The following PARP16 variants were observed in gnomAD, a reference collection of about 807,000 sequenced individuals.
PARP16 encodes protein mono-ADP-ribosyltransferase PARP16.
In PARP16, 31 loss-of-function variants were observed where a neutral mutation model predicts 35.0. The ratio of observed to expected loss-of-function variants is 0.88; its 90% CI spans 0.66 to 1.19. The LOEUF (loss-of-function observed/expected upper bound fraction) is 1.19. Among genes scored for constraint, PARP16 ranks in the 50% most tolerant of loss-of-function variants. The probability of loss-of-function intolerance (pLI) is 0.00; values close to 1 mark genes in which losing one functional copy is unlikely to be tolerated. For missense variants in PARP16, 424 were observed against 411.2 expected (o/e 1.03, Z -0.27); for synonymous variants, 162 against 169.5 (o/e 0.96, Z 0.34).
chr15:65,244,508 ATTCACTGTCAT>A lies in PARP16; in HGVS notation c.*97+3598_*97+3608del, dbSNP rs1478293170. ...AAAACCATCAGATCTCGTGAGACTT[ATTCACTGTCAT>A]GAGAGCAGCACGGGAAAGACCCGCC... On this transcript the variant is annotated intron_variant and NMD_transcript_variant, in intron 3 of 3. Transcript: ENST00000559805. Among the ~76,000 whole-genome samples the A allele has an allele frequency of 1.2e-3, 189 of 152,304 alleles. 1 individual carries two copies. Among genetic ancestry groups the A allele is most frequent in the African/African-American group, 4.4e-3 (181 of 41,566 alleles).
chr15:65,233,437 A>G (rs2088807128), downstream of PARP16, among the ~76,000 whole-genome samples: 1 of 150,802 alleles, frequency 6.6e-6, no homozygotes, highest in Admixed American at 6.6e-5. Flanking sequence ...AACAAAAACA[A>G]AAAATAACTT....
At chr15:65,256,011 A>G (rs1238331358), downstream of PARP16, among the ~76,000 whole-genome samples, 1 of 152,142 alleles carries the variant, frequency 6.6e-6, no homozygotes, top group Non-Finnish European at 1.5e-5. Flanking sequence ...GTTCCTGCTG[A>G]GTTTGCCAAT....
chr15:65,283,977 C>T (rs1217658422), intron 1 of PARP16, among the ~76,000 whole-genome samples: 1 of 152,198 alleles, frequency 6.6e-6, no homozygotes, highest in African/African-American at 2.4e-5. Flanking sequence ...ACTGTGGTCA[C>T]CACTTGAGAT....
At chr15:65,264,462 T>C (rs1186272553) in intron 3 of PARP16, among the ~76,000 whole-genome samples, 2 of 152,186 alleles carry the variant, frequency 1.3e-5, no homozygotes, top group Non-Finnish European at 2.9e-5. Context: ...TGCTCTGGAA[T>C]TGAGAAATGT....
intron 2 of PARP16, among the ~76,000 whole-genome samples, chr15:65,251,990 T>G: frequency 6.6e-6 from 1 of 152,134 alleles, no homozygotes; most frequent in East Asian, 1.9e-4. Flanking sequence ...GGTCTCGATC[T>G]CCTGACCTCG....
downstream of PARP16, among the ~76,000 whole-genome samples, chr15:65,255,013 T>C (rs1282136150): frequency 6.6e-6 from 1 of 152,144 alleles, no homozygotes; most frequent in African/African-American, 2.4e-5. Context: ...CCCCTTACAA[T>C]GGCATTAGTG....
rs779487654 is a variant in PARP16 at position 65,260,907 on chromosome 15, A to T, written c.811T>A (p.Tyr271Asn). 20 of 1,613,800 alleles carry T rather than the reference A, an allele frequency of 1.2e-5. No individual in the cohort carries two copies. The highest frequency in any genetic ancestry group is 1.6e-5 in the Non-Finnish European group (19 of 1,179,872). The change falls in exon 5 of 6, where the codon TAT (tyrosine) becomes AAT (asparagine). Residue 271 changes from tyrosine to asparagine, a missense_variant. Tyr to Asn is a moderately radical substitution (Grantham distance 143). Transcript: ENST00000649807. Reference sequence around the variant, plus strand: ...TACCTCTTGGGTGGCTTCTGTGAATACACCAGGAGGTACTTCACTCGCAGC... The same window carrying T: ...TACCTCTTGGGTGGCTTCTGTGAATTCACCAGGAGGTACTTCACTCGCAGC... ...QLLRVKYLLV[Y>N]SQKPPKRASS...
chr15:65,258,109 A>C lies in PARP16; in HGVS notation c.*1298T>G, dbSNP rs1358181802. The stretch of plus-strand genomic sequence containing the variant: ...CAAAGGCAACTTAAATCATTAAGAA[A>C]ATATCTTTATTTATTCTGAAATGTT... On this transcript the variant is annotated 3_prime_UTR_variant, in exon 6 of 6. Transcript: ENST00000649807. The C allele has an allele frequency of 2.0e-5, 3 of 152,252 alleles. No homozygotes were observed. Among genetic ancestry groups the C allele is most frequent in the Non-Finnish European group, 4.4e-5 (3 of 68,042 alleles). The allele number at this position is 152,252 out of a possible 1,614,324, so 9.4% of individuals were successfully genotyped here. A position where few individuals can be genotyped will look rare whatever the true frequency, so the allele number is the denominator to read the frequency against.
At chr15:65,256,536 T>C (rs2089514668), downstream of PARP16, among the ~76,000 whole-genome samples, 1 of 151,254 alleles carries the variant, frequency 6.6e-6, no homozygotes, top group African/African-American at 2.4e-5. Context: ...GCCTCCCGAG[T>C]AGCTGGGACT....
At chr15:65,262,293 C>A (rs982454538) in intron 4 of PARP16, among the ~76,000 whole-genome samples, 2 of 152,066 alleles carry the variant, frequency 1.3e-5, no homozygotes, top group Non-Finnish European at 2.9e-5. Flanking sequence ...CCACCACACC[C>A]GGCTCATTTT....
intron 1 of PARP16, among the ~76,000 whole-genome samples, chr15:65,274,246 CTT>C (rs112213715): frequency 2.1e-4 from 30 of 140,190 alleles, no homozygotes; most frequent in Admixed American, 2.1e-4. Context: ...GCCCAGCATA[CTT>C]TTTTTTTTTT....
downstream of PARP16, among the ~76,000 whole-genome samples, chr15:65,254,764 T>C (rs2089455186): frequency 6.6e-6 from 1 of 152,184 alleles, no homozygotes. Flanking sequence ...GAAAAATGTC[T>C]GAATTGGGCT....
intron 5 of PARP16, among the ~76,000 whole-genome samples, 164 bp from the exon 6 acceptor site, chr15:65,259,706 G>A (rs148111430): frequency 3.8e-4 from 58 of 152,358 alleles, no homozygotes; most frequent in Non-Finnish European, 5.9e-5. Context: ...ACCTGGGGCT[G>A]TTTGCCCAGG....
chr15:65,271,084 G>T lies in PARP16; in HGVS notation c.175-12C>A, dbSNP rs547626111. On this transcript the variant is annotated splice_polypyrimidine_tract_variant and intron_variant, in intron 1 of 5. Transcript: ENST00000649807. ...CTGGCATCTGCAAGCTGAAGCGACGGAAGAACTTCCATTAGCAAGGATCCC... is the reference window on the plus strand; with the variant it reads ...CTGGCATCTGCAAGCTGAAGCGACGTAAGAACTTCCATTAGCAAGGATCCC... 1.2e-6 allele frequency: 2 copies of T among 1,613,762 alleles called. No individual in the cohort carries two copies. The highest frequency in any genetic ancestry group is 1.7e-6 in the Non-Finnish European group (2 of 1,179,846).
chr15:65,235,889 GTC>G (rs1195911439), intron 3 of PARP16, among the ~76,000 whole-genome samples: 1 of 135,758 alleles, frequency 7.4e-6, no homozygotes, highest in Non-Finnish European at 1.6e-5. Flanking sequence ...TTGAGACTGA[GTC>G]TCTCTCTGTT....
intron 1 of PARP16, among the ~76,000 whole-genome samples, chr15:65,282,884 G>A (rs768889017): frequency 1.2e-4 from 19 of 152,018 alleles, no homozygotes; most frequent in Non-Finnish European, 2.5e-4. Context: ...GAGGGGTGAG[G>A]GATAGAGTGA....
Position 65,286,723 on chromosome 15 carries a change from T to C in PARP16, c.-297A>G. The C allele has an allele frequency of 2.7e-6, 1 of 364,766 alleles. No individual in the cohort carries two copies. Among genetic ancestry groups the C allele is most frequent in the South Asian group, 6.6e-5 (1 of 15,202 alleles). 22.6% of individuals were successfully genotyped at this position (364,766 alleles called of 1,614,324 possible). A position where few individuals can be genotyped will look rare whatever the true frequency, so the allele number is the denominator to read the frequency against. On this transcript the variant is annotated 5_prime_UTR_variant, in exon 1 of 6. Coordinates refer to ENST00000649807, the MANE Select transcript of PARP16 (RefSeq NM_001316943.2). The stretch of plus-strand genomic sequence containing the variant: ...ACTGGGGCTGGTGGGGGGGAGGGGT[T>C]CCCGGCCTAGGGGAAGGGCTATGAC...
downstream of PARP16, among the ~76,000 whole-genome samples, chr15:65,233,420 A>C (rs1382654537): frequency 6.6e-6 from 1 of 151,180 alleles, no homozygotes; most frequent in African/African-American, 2.4e-5. Context: ...CAAAACCAAA[A>C]CAAACAAACA....
chr15:65,248,724 C>T (rs910591012), intron 2 of PARP16, among the ~76,000 whole-genome samples: 3 of 152,206 alleles, frequency 2.0e-5, no homozygotes, highest in Admixed American at 6.5e-5. Context: ...CCTCCTTCCC[C>T]CTCCTGTCTG....
Sources: gnomAD v4.1 joint callset for allele counts (sites outside exome capture counted in the v4.1 genomes callset) on GRCh38, gnomAD v4.1.1 for gene constraint, MANE v1.5 for transcripts, NCBI Gene and HGNC (gene_info 2026-07-23, HGNC 2026-07-21) for gene names.